Variants in MACROD2 observed in about 807,000 individuals in gnomAD.
MACROD2 encodes ADP-ribose glycohydrolase MACROD2.
Under a neutral mutation model 70.4 loss-of-function variants are expected in MACROD2, and 36 were observed. The observed-to-expected ratio is 0.51, with a 90% confidence interval of 0.39 to 0.68. MACROD2 has a LOEUF of 0.68. MACROD2 is among the 30% of genes least tolerant of loss of function. The probability of loss-of-function intolerance (pLI) is 0.00; values close to 1 mark genes in which losing one functional copy is unlikely to be tolerated. For synonymous variants in MACROD2, 172 were observed against 178.8 expected (o/e 0.96, Z 0.30); for missense variants, 496 against 538.4 (o/e 0.92, Z 0.78).
intron 7 of MACROD2, among the ~76,000 whole-genome samples, chr20:15,433,773 AT>A (rs1216123871): frequency 6.6e-6 from 1 of 151,124 alleles, no homozygotes; most frequent in Non-Finnish European, 1.5e-5. Flanking sequence ...ATCTGGAGGC[AT>A]GACATTACTC....
intron 7 of MACROD2, among the ~76,000 whole-genome samples, chr20:15,471,058 G>A (rs1468191444): frequency 6.6e-6 from 1 of 152,072 alleles, no homozygotes; most frequent in African/African-American, 2.4e-5. Flanking sequence ...TCTTGTATGT[G>A]CCCCTTTCTC....
At position 14,406,782 on chromosome 20, in the gene MACROD2, G is replaced by A. The variant is rs143591452; in HGVS notation, c.272-86697G>A. ...CACCATCTTTGTCATGTCTCAGTAA[G>A]TCATTCTGTAAATACTTCAGCATAT... is the stretch of plus-strand genomic sequence containing the variant. On this transcript the variant is annotated intron_variant, in intron 3 of 17. Coordinates refer to ENST00000684519, the MANE Select transcript of MACROD2 (RefSeq NM_001351661.2). Among the ~76,000 whole-genome samples, 4 of 152,222 alleles carry A rather than the reference G, an allele frequency of 2.6e-5. No homozygotes were observed. In the East Asian group the frequency reaches 7.7e-4, roughly 29 times the overall value.
intron 5 of MACROD2, among the ~76,000 whole-genome samples, chr20:14,848,690 C>A (rs2073168151): frequency 6.6e-6 from 1 of 152,080 alleles, no homozygotes; most frequent in Non-Finnish European, 1.5e-5. Flanking sequence ...TCGATATATT[C>A]ATGCAAATAA....
intron 13 of MACROD2, 81 bp from the exon 14 acceptor site, chr20:15,986,646 G>C: frequency 9.3e-7 from 1 of 1,075,758 alleles, no homozygotes; most frequent in Non-Finnish European, 1.4e-6. Flanking sequence ...CATGATTAAA[G>C]CACGGTTTCT....
chr20:15,504,418 CAA>C (rs1382490745), intron 8 of MACROD2, among the ~76,000 whole-genome samples: 1 of 151,938 alleles, frequency 6.6e-6, no homozygotes, highest in Non-Finnish European at 1.5e-5. Context: ...AATTGAGGCA[CAA>C]AAATGACTTA....
At chr20:14,049,174 T>TTAAAAA (rs2053522313) in intron 2 of MACROD2, among the ~76,000 whole-genome samples, 3 of 69,770 alleles carry the variant, frequency 4.3e-5, no homozygotes, top group Non-Finnish European at 6.6e-5. Flanking sequence ...ATATATTTAA[T>TTAAAAA]AAAAAAAAAA....
intron 15 of MACROD2, among the ~76,000 whole-genome samples, chr20:15,997,784 G>A (rs1379228492): frequency 2.6e-5 from 4 of 152,146 alleles, no homozygotes; most frequent in African/African-American, 7.2e-5. Context: ...TAGAGGAAAA[G>A]CCTTCAGCTT....
In MACROD2 at chr20:14,698,349, G is replaced by A. The variant is rs560896481; in HGVS notation, c.418+13390G>A. Among the ~76,000 whole-genome samples, 69 of 152,206 alleles carry A rather than the reference G, an allele frequency of 4.5e-4. No individual in the cohort carries two copies. In the Middle Eastern group the frequency reaches 0.01, roughly 23 times the overall value. ...AGTTGTTTAACCTCTTTGTGCCTCCGTTTTGCTATCGGGAAATAGGTATGA... is the reference window on the plus strand; with the variant it reads ...AGTTGTTTAACCTCTTTGTGCCTCCATTTTGCTATCGGGAAATAGGTATGA... On this transcript the variant is annotated intron_variant, in intron 5 of 17. Coordinates refer to ENST00000684519, the MANE Select transcript of MACROD2 (RefSeq NM_001351661.2).
intron 8 of MACROD2, among the ~76,000 whole-genome samples, chr20:15,530,280 G>A (rs1322890841): frequency 6.6e-6 from 1 of 152,114 alleles, no homozygotes; most frequent in Non-Finnish European, 1.5e-5. Context: ...TAAAGATTAA[G>A]TGATCCCTTT....
At chr20:14,493,203 T>C (rs2123105195) in intron 3 of MACROD2, among the ~76,000 whole-genome samples, 1 of 152,096 alleles carries the variant, frequency 6.6e-6, no homozygotes, top group Non-Finnish European at 1.5e-5. Flanking sequence ...GAATTGAGAA[T>C]AAAACAGTCT....
At chr20:15,353,486 A>T (rs1264969440) in intron 6 of MACROD2, among the ~76,000 whole-genome samples, 1 of 152,138 alleles carries the variant, frequency 6.6e-6, no homozygotes, top group Admixed American at 6.5e-5. Flanking sequence ...TGGCAACAAA[A>T]GCCAAAATTG....
chr20:14,290,271 G>T lies in MACROD2; in HGVS notation c.272-203208G>T, dbSNP rs181707070. Among the ~76,000 whole-genome samples, 433 of 152,244 alleles carry T rather than the reference G, an allele frequency of 2.8e-3. 2 individuals are homozygous for T. The highest frequency in any genetic ancestry group is 9.7e-3 in the African/African-American group (405 of 41,550). On this transcript the variant is annotated intron_variant, in intron 3 of 17. Transcript: ENST00000684519. Reference sequence around the variant, plus strand: ...GCACATATACTTCTCAACCTAAAATGAAAGTTAAAAAAATTAAAAGATAGA... The same window carrying T: ...GCACATATACTTCTCAACCTAAAATTAAAGTTAAAAAAATTAAAAGATAGA...
chr20:14,252,265 G>A (rs763811172), intron 3 of MACROD2, among the ~76,000 whole-genome samples: 11 of 151,960 alleles, frequency 7.2e-5, no homozygotes, highest in Non-Finnish European at 1.0e-4. Context: ...AGTGGGTGAT[G>A]TGAGCCTATC....
intron 8 of MACROD2, among the ~76,000 whole-genome samples, chr20:15,806,510 ATTAT>A (rs1446407106): frequency 2.0e-5 from 3 of 152,080 alleles, no homozygotes; most frequent in Non-Finnish European, 4.4e-5. Context: ...TATGTCTGTG[ATTAT>A]TTATTTATTT....
chr20:14,821,498 T>G (rs1309084604), intron 5 of MACROD2, among the ~76,000 whole-genome samples: 1 of 152,070 alleles, frequency 6.6e-6, no homozygotes, highest in Non-Finnish European at 1.5e-5. Context: ...GCACCTGGAT[T>G]TTTTTCAAAG....
At chr20:14,132,227 T>G (rs1439564377) in intron 3 of MACROD2, among the ~76,000 whole-genome samples, 3 of 152,042 alleles carry the variant, frequency 2.0e-5, no homozygotes, top group Non-Finnish European at 4.4e-5. Context: ...AATTTTTTTT[T>G]TGTTGAGACA....
At chr20:14,479,693 A>G (rs779265010) in intron 3 of MACROD2, among the ~76,000 whole-genome samples, 3 of 152,102 alleles carry the variant, frequency 2.0e-5, no homozygotes, top group Admixed American at 1.3e-4. Flanking sequence ...AAAACAAATT[A>G]TGCTATCTTC....
chr20:15,927,110 A>C (rs1162498559), intron 10 of MACROD2, among the ~76,000 whole-genome samples: 1 of 152,192 alleles, frequency 6.6e-6, no homozygotes, highest in Admixed American at 6.5e-5. Flanking sequence ...TCAAAGACAC[A>C]TGAAATGTTT....
At chr20:14,671,723 T>C (rs1028411191) in intron 4 of MACROD2, among the ~76,000 whole-genome samples, 22 of 152,156 alleles carry the variant, frequency 1.4e-4, no homozygotes, top group Non-Finnish European at 1.5e-5. Context: ...GATGAGGAGG[T>C]TCATAACAAG....
Sources: allele counts gnomAD v4.1 joint callset (sites outside exome capture counted in the v4.1 genomes callset), GRCh38; gene constraint gnomAD v4.1.1; transcripts MANE v1.5; gene names NCBI Gene and HGNC (gene_info 2026-07-23, HGNC 2026-07-21).